ZNF695: variants seen among roughly 807,000 people sequenced by gnomAD.
ZNF695 encodes the protein zinc finger protein 695.
In ZNF695, 11 loss-of-function variants were observed where a neutral mutation model predicts 11.2. The ratio of observed to expected loss-of-function variants is 0.98; its 90% CI spans 0.62 to 1.62. The LOEUF (loss-of-function observed/expected upper bound fraction) is 1.62, where lower values mean the gene tolerates loss of function less well. Ranked by LOEUF, ZNF695 falls within the 40% of genes most tolerant of loss-of-function variation. ZNF695 has a pLI of 0.00. For missense variants in ZNF695, 559 were observed against 590.5 expected, an observed-to-expected ratio of 0.95 and a Z score of 0.55; for synonymous variants, 190 against 201.4, an observed-to-expected ratio of 0.94 and a Z score of 0.48.
chr1:246,953,426 G>A (rs1667914576), intron 5 of ZNF695, among the ~76,000 whole-genome samples: 1 of 151,856 alleles, frequency 6.6e-6, no homozygotes, highest in African/African-American at 2.4e-5. Context: ...GGCTAACATG[G>A]TGATACCCCG....
At position 247,007,915 on chromosome 1, in the gene ZNF695, G is replaced by A. The variant is rs772186078; in HGVS notation, c.-7C>T. ...TGCTCCGCACACTCACCATTTCCCA[G>A]CTTTTGGGGGTCCCAGCGTCCTCCC... On this transcript the variant is annotated 5_prime_UTR_variant, in exon 1 of 4. Transcript: ENST00000339986. 6.5e-7 allele frequency: 1 copy of A among 1,532,000 alleles called. No individual in the cohort carries two copies. Among genetic ancestry groups the A allele is most frequent in the East Asian group, 2.6e-5 (1 of 39,176 alleles). 94.9% of individuals were successfully genotyped at this position (1,532,000 alleles called of 1,614,324 possible).
At chr1:246,963,352 G>A (rs906420664) in intron 5 of ZNF695, among the ~76,000 whole-genome samples, 2 of 152,208 alleles carry the variant, frequency 1.3e-5, no homozygotes, top group African/African-American at 4.8e-5. Flanking sequence ...TTGGGAGGCT[G>A]AGGCAGGAGG....
intron 5 of ZNF695, among the ~76,000 whole-genome samples, chr1:246,951,711 G>C (rs940945804): frequency 6.6e-6 from 1 of 152,200 alleles, no homozygotes; most frequent in Non-Finnish European, 1.5e-5. Context: ...AGGAAAGCCA[G>C]CTTCTGTGTG....
Position 246,972,340 on chromosome 1 carries a change from G to A in ZNF695, c.391-4548C>T, listed in dbSNP as rs1474973780. On this transcript the variant is annotated intron_variant, in intron 4 of 5. Transcript: ENST00000487338. ...TCCCACAGCAACCCCCCAAGTGGTT[G>A]CCCTGCCCCACCATAATTCTGATTT... Among the ~76,000 whole-genome samples the A allele has an allele frequency of 2.0e-5, 3 of 152,196 alleles. No individual in the cohort carries two copies. The East Asian group carries it at 5.8e-4, about 29-fold the overall frequency.
chr1:246,993,311 G>A (rs1669094792), intron 3 of ZNF695, among the ~76,000 whole-genome samples: 1 of 152,108 alleles, frequency 6.6e-6, no homozygotes, highest in Admixed American at 6.6e-5. Flanking sequence ...GGAGGCTAAG[G>A]CAGGAGAATT....
At chr1:246,976,656 T>C (rs1005425930) in intron 4 of ZNF695, among the ~76,000 whole-genome samples, 2 of 151,820 alleles carry the variant, frequency 1.3e-5, no homozygotes, top group Admixed American at 6.6e-5. Context: ...TAGCCAGGCA[T>C]GGTGGCGGGC....
At chr1:246,995,807 C>G (rs1390573244) in intron 3 of ZNF695, among the ~76,000 whole-genome samples, 4 of 102,612 alleles carry the variant, frequency 3.9e-5, no homozygotes, top group Non-Finnish European at 6.9e-5. Context: ...AGCTGAGACT[C>G]TGTCTCAAAA....
chr1:246,998,894 G>A (rs1669281057), intron 3 of ZNF695, among the ~76,000 whole-genome samples: 1 of 152,056 alleles, frequency 6.6e-6, no homozygotes, highest in Admixed American at 6.6e-5. Context: ...CTTGAACCCA[G>A]GAGGTGGGGC....
At chr1:246,962,413 C>T (rs527708822) in intron 5 of ZNF695, among the ~76,000 whole-genome samples, 10 of 152,354 alleles carry the variant, frequency 6.6e-5, no homozygotes, top group African/African-American at 2.4e-4. Flanking sequence ...TAGCCTCTTG[C>T]TCTGCCTCAT....
chr1:246,966,788 G>A (rs1440318536), intron 5 of ZNF695: 1 of 456,248 alleles, frequency 2.2e-6, no homozygotes, highest in East Asian at 6.9e-5. Context: ...TATTTTTAAA[G>A]GAAAAAAAAG....
chr1:246,947,918 G>A (rs1211204118), intron 5 of ZNF695, among the ~76,000 whole-genome samples: 1 of 152,120 alleles, frequency 6.6e-6, no homozygotes, highest in East Asian at 1.9e-4. Context: ...AAGCCCTGTG[G>A]CAGGAGAAAA....
At chr1:246,959,310 A>AATATATATATATAT (rs1158852538) in intron 5 of ZNF695, among the ~76,000 whole-genome samples, 16 of 51,240 alleles carry the variant, frequency 3.1e-4, no homozygotes, top group African/African-American at 7.9e-4. Flanking sequence ...AAAAAAAAAA[A>AATATATATATATAT]ATATATATAT....
At position 246,999,459 on chromosome 1, in the gene ZNF695, G is replaced by A. The variant is rs1419598851; in HGVS notation, c.167-19C>T. ...GCAAGACCTGTTTTATTAGAAAAAA[G>A]GTGCATGATTCTTGCAGGGATTCTT... On this transcript the variant is annotated intron_variant, in intron 2 of 3. Transcript: ENST00000339986. 6.3e-7 allele frequency: 1 copy of A among 1,596,358 alleles called. No individual in the cohort carries two copies.
In ZNF695 at chr1:246,987,600, A is replaced by C. The variant is rs753017406; in HGVS notation, c.915T>G (p.Phe305Leu). Residue 305 changes from phenylalanine (F) to leucine (L), a missense_variant, in exon 4 of 4, where the codon TTT (phenylalanine) becomes TTG (leucine). Coordinates refer to ENST00000339986, the MANE Select transcript of ZNF695 (RefSeq NM_020394.5). ...GTTGAGTAAGGTATGGGAACAACTT[A>C]AAGGATTTGCCACATTCTTCACATT... ...PYKCEECGKS[F>L]KLFPYLTQHK... 9 of 1,600,236 alleles carry C rather than the reference A, an allele frequency of 5.6e-6. No homozygotes were observed. In the African/African-American group the frequency reaches 1.2e-4, roughly 22 times the overall value.
intron 3 of ZNF695, among the ~76,000 whole-genome samples, chr1:246,991,289 G>C (rs1012647751): frequency 6.6e-6 from 1 of 151,986 alleles, no homozygotes; most frequent in African/African-American, 2.4e-5. Flanking sequence ...AACATATCAA[G>C]TTAAAAAGCT....
chr1:246,952,182 C>T (rs1337004412), intron 5 of ZNF695, among the ~76,000 whole-genome samples: 1 of 152,090 alleles, frequency 6.6e-6, no homozygotes, highest in Non-Finnish European at 1.5e-5. Flanking sequence ...CTCCTAGCCT[C>T]AAGTGATCTG....
chr1:246,960,025 G>A (rs1224047538), intron 5 of ZNF695, among the ~76,000 whole-genome samples: 2 of 152,088 alleles, frequency 1.3e-5, no homozygotes, highest in Admixed American at 1.3e-4. Flanking sequence ...TTTCCTCTAA[G>A]TATGTTAGAT....
chr1:246,955,734 G>A (rs951565819), intron 5 of ZNF695, among the ~76,000 whole-genome samples: 3 of 152,054 alleles, frequency 2.0e-5, no homozygotes, highest in Admixed American at 6.6e-5. Flanking sequence ...TTCAAAGTCC[G>A]TTCTTTTCTA....
At chr1:246,945,742 G>C (rs1188821881) in exon 6 of ZNF695, 1 of 1,547,026 alleles carries the variant, frequency 6.5e-7, no homozygotes, top group Admixed American at 2.0e-5. Context: ...TTCGCCTCAC[G>C]GAGCAGGGAG....
Sources: gnomAD v4.1 joint callset for allele counts (sites outside exome capture counted in the v4.1 genomes callset) on GRCh38, gnomAD v4.1.1 for gene constraint, MANE v1.5 for transcripts, NCBI Gene and HGNC (gene_info 2026-07-23, HGNC 2026-07-21) for gene names.